Variants in TRIM33 observed in about 807,000 individuals in gnomAD.
TRIM33 encodes E3 ubiquitin-protein ligase TRIM33.
A neutral mutation model predicts 125.4 loss-of-function variants in TRIM33; 20 were observed. The ratio of observed to expected loss-of-function variants is 0.16; its 90% CI spans 0.11 to 0.23. The LOEUF is 0.23. TRIM33 is among the 10% of genes least tolerant of loss of function. The pLI is 1.00. For synonymous variants in TRIM33, 564 were observed against 513.9 expected, an observed-to-expected ratio of 1.10 and a Z score of -1.32; for missense variants, 920 against 1,411.4, an observed-to-expected ratio of 0.65 and a Z score of 5.58.
At chr1:114,498,109 AGACT>A (rs1312785136) in intron 1 of TRIM33, among the ~76,000 whole-genome samples, 4 of 145,988 alleles carry the variant, frequency 2.7e-5, no homozygotes, top group Non-Finnish European at 6.0e-5. Context: ...CCTGGGCGAC[AGACT>A]GAGACTCTGT....
At chr1:114,479,754 T>C (rs1216503057) in intron 1 of TRIM33, among the ~76,000 whole-genome samples, 1 of 135,004 alleles carries the variant, frequency 7.4e-6, no homozygotes, top group African/African-American at 2.9e-5. Flanking sequence ...GGTAGTATTG[T>C]CCTGAAGTGA....
intron 10 of TRIM33, 152 bp from the exon 11 acceptor site, chr1:114,421,788 G>A: frequency 1.4e-6 from 1 of 731,722 alleles, no homozygotes; most frequent in Non-Finnish European, 2.2e-6. Flanking sequence ...TTCAAACTCA[G>A]CCTTTTCATT....
intron 1 of TRIM33, among the ~76,000 whole-genome samples, chr1:114,486,665 CAAAAG>C (rs948647566): frequency 1.2e-4 from 18 of 150,928 alleles, no homozygotes; most frequent in Admixed American, 6.6e-4. Context: ...ATCAAGAGAC[CAAAAG>C]AAAAGAAAAG....
At chr1:114,495,074 T>G (rs1004878614) in intron 1 of TRIM33, among the ~76,000 whole-genome samples, 1 of 152,120 alleles carries the variant, frequency 6.6e-6, no homozygotes, top group South Asian at 2.1e-4. Flanking sequence ...CCACCACACC[T>G]GGCTAATTTT....
At chr1:114,506,195 T>C (rs1652989728) in intron 1 of TRIM33, among the ~76,000 whole-genome samples, 2 of 151,694 alleles carry the variant, frequency 1.3e-5, no homozygotes, top group African/African-American at 2.4e-5. Flanking sequence ...CAGCCTAGCC[T>C]ACATGACAAG....
intron 11 of TRIM33, among the ~76,000 whole-genome samples, chr1:114,411,819 T>C (rs528184631): frequency 1.2e-4 from 19 of 152,300 alleles, no homozygotes; most frequent in African/African-American, 4.1e-4. Flanking sequence ...TAGACATGGA[T>C]AGTCACCATA....
chr1:114,397,484 A>G lies in TRIM33; in HGVS notation c.*164T>C. ...TCTTGACAAGAATGTGTTTCTGTCC[A>G]TTATTTCAATCTAATACTGTGTAAA... On this transcript the variant is annotated 3_prime_UTR_variant, in exon 20 of 20. Coordinates refer to ENST00000358465, the MANE Select transcript of TRIM33 (RefSeq NM_015906.4). 1.8e-6 allele frequency: 1 copy of G among 568,802 alleles called. No homozygotes were observed. The highest frequency in any genetic ancestry group is 2.8e-5 in the East Asian group (1 of 35,182). 35.2% of individuals were successfully genotyped at this position (568,802 alleles called of 1,614,324 possible). A position where few individuals can be genotyped will look rare whatever the true frequency, so the allele number is the denominator to read the frequency against.
At chr1:114,465,421 G>T (rs1351710866) in intron 1 of TRIM33, among the ~76,000 whole-genome samples, 1 of 152,098 alleles carries the variant, frequency 6.6e-6, no homozygotes, top group East Asian at 1.9e-4. Context: ...CCAAAGACTG[G>T]GATATAAACC....
At chr1:114,457,450 G>T (rs975436840) in intron 4 of TRIM33, among the ~76,000 whole-genome samples, 1 of 152,160 alleles carries the variant, frequency 6.6e-6, no homozygotes, top group Non-Finnish European at 1.5e-5. Context: ...ATCTATGACT[G>T]AAGGACATAA....
chr1:114,434,886 GACATGTAAAT>G (rs1648182805), intron 4 of TRIM33, among the ~76,000 whole-genome samples: 1 of 152,102 alleles, frequency 6.6e-6, no homozygotes, highest in African/African-American at 2.4e-5. Context: ...GCATGTTTGA[GACATGTAAAT>G]ACTTCAATAT....
intron 16 of TRIM33, among the ~76,000 whole-genome samples, chr1:114,401,931 C>T (rs1651920329): frequency 1.3e-5 from 2 of 152,158 alleles, no homozygotes; most frequent in Non-Finnish European, 2.9e-5. Flanking sequence ...TTTACCCAAT[C>T]ATGAGTAAAC....
chr1:114,510,723 T>C lies in TRIM33; in HGVS notation c.354A>G (p.Pro118=), dbSNP rs1157426581. 6.5e-7 allele frequency: 1 copy of C among 1,535,148 alleles called. No individual in the cohort carries two copies. Among genetic ancestry groups the C allele is most frequent in the Non-Finnish European group, 8.7e-7 (1 of 1,145,966 alleles). ...GPSAGPPPGP[P]ASLLDTCAVC... ...CGGCGCAGGTGTCCAGGAGCGAGGC[T>C]GGCGGTCCAGGAGGCGGCCCTGCCG... The change falls in exon 1 of 20, where the codon CCA becomes CCG. Residue 118 remains proline (P), a synonymous_variant. Transcript: ENST00000358465.
At chr1:114,485,902 C>T (rs1264074254) in intron 1 of TRIM33, among the ~76,000 whole-genome samples, 1 of 152,112 alleles carries the variant, frequency 6.6e-6, no homozygotes, top group Non-Finnish European at 1.5e-5. Flanking sequence ...TCAGTACATG[C>T]CCAAACCAAG....
At chr1:114,498,104 G>A (rs1235573467) in intron 1 of TRIM33, among the ~76,000 whole-genome samples, 3 of 139,234 alleles carry the variant, frequency 2.2e-5, no homozygotes, top group Non-Finnish European at 3.0e-5. Flanking sequence ...TCCAGCCTGG[G>A]CGACAGACTG....
intron 4 of TRIM33, among the ~76,000 whole-genome samples, chr1:114,437,721 G>A (rs921586621): frequency 6.6e-6 from 1 of 152,138 alleles, no homozygotes; most frequent in Admixed American, 6.6e-5. Context: ...TAAAAATGAT[G>A]TATGCCCAGG....
Position 114,510,760 on chromosome 1 carries a change from G to T in TRIM33, c.317C>A (p.Ala106Asp). The change falls in exon 1 of 20, where the codon GCT becomes GAT. Residue 106 changes from alanine to aspartate, a missense_variant. Ala to Asp is a moderately radical substitution (Grantham distance 126, BLOSUM62 -2). Around this residue, in one of 8 missense-constraint regions of TRIM33, gnomAD observed 233 missense variants for 189.6 expected, o/e 1.23. Coordinates refer to ENST00000358465, the MANE Select transcript of TRIM33 (RefSeq NM_015906.4). Reference sequence around the variant, plus strand: ...AGGCGGCCCTGCCGAGGGACCCGGAGCGGGAGCCGAGGCTGGAGCTGGAGC... The same window carrying T: ...AGGCGGCCCTGCCGAGGGACCCGGATCGGGAGCCGAGGCTGGAGCTGGAGC... ...TPAPAPASAP[A>D]PGPSAGPPPG... 6.6e-7 allele frequency: 1 copy of T among 1,523,868 alleles called. No individual in the cohort carries two copies. Among genetic ancestry groups the T allele is most frequent in the Admixed American group, 2.0e-5 (1 of 49,558 alleles). The allele number at this position is 1,523,868 out of a possible 1,614,324, so 94.4% of individuals were successfully genotyped here.
At chr1:114,466,339 G>C (rs1002300069) in intron 1 of TRIM33, among the ~76,000 whole-genome samples, 5 of 152,130 alleles carry the variant, frequency 3.3e-5, no homozygotes, top group South Asian at 2.1e-4. Context: ...AAGAATGAAC[G>C]TGACTATACT....
At chr1:114,416,509 T>C (rs1258831479) in intron 11 of TRIM33, among the ~76,000 whole-genome samples, 2 of 152,234 alleles carry the variant, frequency 1.3e-5, no homozygotes, top group African/African-American at 4.8e-5. Context: ...ATCTATTCTA[T>C]TTTGTATAAC....
chr1:114,476,221 A>G (rs1570625148), intron 1 of TRIM33, among the ~76,000 whole-genome samples: 1 of 139,104 alleles, frequency 7.2e-6, no homozygotes, highest in African/African-American at 2.9e-5. Context: ...AACAAATAAG[A>G]AAAAAAAAAA....
Sources: gnomAD v4.1 joint callset for allele counts (sites outside exome capture counted in the v4.1 genomes callset) on GRCh38, gnomAD v4.1.1 for gene constraint, gnomAD v4.1.1 regional missense constraint, MANE v1.5 for transcripts, NCBI Gene and HGNC (gene_info 2026-07-23, HGNC 2026-07-21) for gene names.